PTH2R: variants seen among roughly 807,000 people sequenced by gnomAD.
The protein encoded by PTH2R is parathyroid hormone 2 receptor, also known as PTH2 receptor.
Under a neutral mutation model 60.3 loss-of-function variants are expected in PTH2R, and 59 were observed. The observed-to-expected ratio is 0.98, with a 90% CI of 0.79 to 1.22. The LOEUF is 1.22. PTH2R is among the 50% of genes most tolerant of loss of function. PTH2R has a pLI of 0.00. For missense variants in PTH2R, 749 were observed against 682.6 expected (o/e 1.10, Z -1.08); for synonymous variants, 256 against 243.8 (o/e 1.05, Z -0.47).
At chr2:208,456,133 T>C (rs1187956470) in intron 8 of PTH2R, among the ~76,000 whole-genome samples, 1 of 151,860 alleles carries the variant, frequency 6.6e-6, no homozygotes, top group East Asian at 1.9e-4. Flanking sequence ...TTCCAAATAC[T>C]TGGGAGATTG....
At chr2:208,369,863 TGC>T (rs1700660926) in intron 1 of PTH2R, among the ~76,000 whole-genome samples, 1 of 152,066 alleles carries the variant, frequency 6.6e-6, no homozygotes, top group Non-Finnish European at 1.5e-5. Context: ...ACTTATGTAT[TGC>T]AACCCTAAGT....
At chr2:208,458,965 T>C (rs1270210544) in intron 8 of PTH2R, among the ~76,000 whole-genome samples, 1 of 151,746 alleles carries the variant, frequency 6.6e-6, no homozygotes, top group East Asian at 2.0e-4. Context: ...TCTGGGAATA[T>C]GCCCAGTAAT....
intron 10 of PTH2R, among the ~76,000 whole-genome samples, chr2:208,482,257 G>A (rs1703170391): frequency 6.6e-6 from 1 of 152,160 alleles, no homozygotes; most frequent in Non-Finnish European, 1.5e-5. Flanking sequence ...ATGCAACGGG[G>A]CTCTCTCTTT....
intron 1 of PTH2R, among the ~76,000 whole-genome samples, chr2:208,423,667 A>G (rs772431781): frequency 6.6e-6 from 1 of 152,148 alleles, no homozygotes; most frequent in African/African-American, 2.4e-5. Context: ...TAGTTGTTCT[A>G]TCAATTGCTG....
chr2:208,493,414 C>G lies in PTH2R; in HGVS notation c.1408C>G (p.Arg470Gly). 1 of 1,610,782 alleles carries G rather than the reference C, an allele frequency of 6.2e-7. No individual in the cohort carries two copies. ...CCAGTCACAGGTGGCGGCCAGCACA[C>G]GCATGGTGCTTATCTCTGGCAAAGC... Reference protein sequence around the residue: ...SSQSQVAASTRMVLISGKAAK... With the variant: ...SSQSQVAASTGMVLISGKAAK... The change falls in exon 13 of 13, where the codon CGC (arginine) becomes GGC (glycine). Residue 470 changes from arginine to glycine, a missense_variant. Physicochemically the swap from Arg to Gly is moderately radical, Grantham distance 125 (BLOSUM62 -2). Transcript: ENST00000272847.
intron 10 of PTH2R, among the ~76,000 whole-genome samples, chr2:208,486,610 G>C (rs573900055): frequency 6.6e-6 from 1 of 152,320 alleles, no homozygotes; most frequent in African/African-American, 2.4e-5. Flanking sequence ...AGTGATGTTA[G>C]ACAAGACTTT....
chr2:208,364,027 T>C (rs1700531678), intron 1 of PTH2R, among the ~76,000 whole-genome samples: 1 of 152,232 alleles, frequency 6.6e-6, no homozygotes, highest in Admixed American at 6.5e-5. Context: ...GTACTACTTG[T>C]CAATTTTTGT....
At chr2:208,462,807 C>A (rs895340764) in intron 9 of PTH2R, among the ~76,000 whole-genome samples, 4 of 152,104 alleles carry the variant, frequency 2.6e-5, no homozygotes, top group African/African-American at 9.7e-5. Flanking sequence ...ATGGTCTGTG[C>A]CAAGGTTGAG....
intron 1 of PTH2R, among the ~76,000 whole-genome samples, chr2:208,370,368 G>A (rs1700672632): frequency 8.0e-6 from 1 of 124,664 alleles, no homozygotes; most frequent in Non-Finnish European, 1.6e-5. Flanking sequence ...GCGTGAACAT[G>A]GGAGGCGGAG....
intron 9 of PTH2R, among the ~76,000 whole-genome samples, chr2:208,464,553 G>T (rs1702701781): frequency 6.6e-6 from 1 of 152,174 alleles, no homozygotes; most frequent in South Asian, 2.1e-4. Context: ...CCCTTTCTTG[G>T]GAATGATGCC....
chr2:208,441,217 A>G lies in PTH2R; in HGVS notation c.412-1147A>G, dbSNP rs527751896. On this transcript the variant is annotated intron_variant, in intron 4 of 12. Transcript: ENST00000272847. ...AGAGAAACACTTACGTTTCCTATAT[A>G]TTATTATAAAGGATATTTTAAAGGA... Among the ~76,000 whole-genome samples the G allele has an allele frequency of 2.6e-5, 4 of 152,272 alleles. No homozygotes were observed. The East Asian group carries it at 7.7e-4, about 29-fold the overall frequency.
intron 10 of PTH2R, among the ~76,000 whole-genome samples, chr2:208,484,218 C>T (rs769399433): frequency 2.0e-5 from 3 of 152,248 alleles, no homozygotes; most frequent in Non-Finnish European, 4.4e-5. Context: ...CTGAGATAAT[C>T]TCTCCAGGTG....
intron 1 of PTH2R, among the ~76,000 whole-genome samples, chr2:208,386,172 T>C (rs922815591): frequency 2.6e-5 from 4 of 152,204 alleles, no homozygotes; most frequent in Admixed American, 2.0e-4. Context: ...AGACTTGTGC[T>C]CATCATCATA....
chr2:208,465,640 T>C (rs960581590), intron 9 of PTH2R, among the ~76,000 whole-genome samples: 3 of 151,874 alleles, frequency 2.0e-5, no homozygotes, highest in African/African-American at 7.3e-5. Context: ...CCGACCTCAG[T>C]GATCCGCCCG....
At chr2:208,486,969 G>C (rs979562102) in intron 10 of PTH2R, among the ~76,000 whole-genome samples, 1 of 152,214 alleles carries the variant, frequency 6.6e-6, no homozygotes, top group Non-Finnish European at 1.5e-5. Context: ...GTGAGGATGA[G>C]TGGGTGGAGC....
intron 8 of PTH2R, among the ~76,000 whole-genome samples, chr2:208,455,489 A>G (rs1489376022): frequency 6.6e-6 from 1 of 152,198 alleles, no homozygotes; most frequent in African/African-American, 2.4e-5. Context: ...TTTCTTCCTA[A>G]CTTATCAGAA....
intron 1 of PTH2R, among the ~76,000 whole-genome samples, chr2:208,392,460 C>A (rs1049567145): frequency 3.9e-5 from 6 of 152,146 alleles, no homozygotes; most frequent in African/African-American, 1.4e-4. Context: ...ATAGCTCAAC[C>A]TATTCTTCCT....
chr2:208,448,751 T>A (rs1490414619), intron 7 of PTH2R, among the ~76,000 whole-genome samples: 3 of 151,476 alleles, frequency 2.0e-5, no homozygotes, highest in Non-Finnish European at 2.9e-5. Context: ...ACATGTCAAG[T>A]ATTTTTGCCT....
intron 11 of PTH2R, 33 bp downstream of exon 11, chr2:208,489,183 TA>T (rs763091894): frequency 6.2e-7 from 1 of 1,611,718 alleles, no homozygotes; most frequent in Non-Finnish European, 8.5e-7. Flanking sequence ...CTGATTCTTG[TA>T]ATTTGCAGTT....
Sources: gnomAD v4.1 joint callset for allele counts (sites outside exome capture counted in the v4.1 genomes callset) on GRCh38, gnomAD v4.1.1 for gene constraint, MANE v1.5 for transcripts, NCBI Gene and HGNC (gene_info 2026-07-23, HGNC 2026-07-21) for gene names.